SLC25A37: variants seen among roughly 807,000 people sequenced by gnomAD.
The protein encoded by SLC25A37 is solute carrier family 25 member 37, also known as mitoferrin-1.
Under a neutral mutation model 31.0 loss-of-function variants are expected in SLC25A37, and 17 were observed. The observed-to-expected ratio is 0.55, with a 90% confidence interval of 0.38 to 0.82. The LOEUF (loss-of-function observed/expected upper bound fraction) is 0.82. SLC25A37 is among the 40% of genes least tolerant of loss of function. The pLI, the probability that SLC25A37 is intolerant of heterozygous loss-of-function variation, is 0.00. For missense variants in SLC25A37, 404 were observed against 465.8 expected (o/e 0.87, Z 1.22); for synonymous variants, 222 against 193.0 (o/e 1.15, Z -1.24).
At chr8:23,543,939 C>T (rs1044003949) in intron 1 of SLC25A37, among the ~76,000 whole-genome samples, 2 of 152,072 alleles carry the variant, frequency 1.3e-5, no homozygotes, top group Non-Finnish European at 2.9e-5. Flanking sequence ...CGGCTCACCG[C>T]AACCTCTGCC....
At chr8:23,559,364 C>CGTGTGT (rs1554499347) in intron 1 of SLC25A37, among the ~76,000 whole-genome samples, 1 of 151,560 alleles carries the variant, frequency 6.6e-6, no homozygotes, top group East Asian at 1.9e-4. Flanking sequence ...CGTGTGTGTG[C>CGTGTGT]GCGCGCGCGT....
At chr8:23,562,063 A>T (rs572422703) in intron 1 of SLC25A37, among the ~76,000 whole-genome samples, 27 of 152,302 alleles carry the variant, frequency 1.8e-4, no homozygotes, top group Admixed American at 4.6e-4. Flanking sequence ...GAACTTAAGG[A>T]AGGCCTTTGA....
intron 1 of SLC25A37, among the ~76,000 whole-genome samples, chr8:23,539,261 G>T (rs536263943): frequency 2.0e-5 from 3 of 151,964 alleles, no homozygotes; most frequent in Non-Finnish European, 4.4e-5. Context: ...TTGAGGGACT[G>T]CAGCCTTGTG....
chr8:23,560,737 C>T (rs1802494767), intron 1 of SLC25A37, among the ~76,000 whole-genome samples: 1 of 152,174 alleles, frequency 6.6e-6, no homozygotes, highest in Non-Finnish European at 1.5e-5. Flanking sequence ...ACAGAGAAGT[C>T]CACTGAGGTG....
chr8:23,551,412 G>C (rs1487870293), intron 1 of SLC25A37, among the ~76,000 whole-genome samples: 1 of 152,092 alleles, frequency 6.6e-6, no homozygotes, highest in Non-Finnish European at 1.5e-5. Flanking sequence ...GGCAGCTGAA[G>C]GGAAGGGCTG....
intron 2 of SLC25A37, chr8:23,566,576 G>C: frequency 7.8e-7 from 1 of 1,278,212 alleles, no homozygotes; most frequent in African/African-American, 1.6e-5. Context: ...ATCAGTGACA[G>C]AGGTGTTTTG....
At chr8:23,544,071 G>T (rs1467533962) in intron 1 of SLC25A37, among the ~76,000 whole-genome samples, 1 of 151,996 alleles carries the variant, frequency 6.6e-6, no homozygotes, top group African/African-American at 2.4e-5. Flanking sequence ...TGTTGGCCAG[G>T]CTGGTCTCGA....
chr8:23,568,233 A>G (rs758834452), intron 2 of SLC25A37, 89 bp from the exon 3 acceptor site: 1 of 1,434,864 alleles, frequency 7.0e-7, no homozygotes, highest in East Asian at 2.3e-5. Context: ...TTAGAAAGCT[A>G]AGTCCTGGGT....
chr8:23,529,337 T>C lies in SLC25A37; in HGVS notation c.210+125T>C. 2 of 903,274 alleles carry C rather than the reference T, an allele frequency of 2.2e-6. No homozygotes were observed. The highest frequency in any genetic ancestry group is 3.1e-6 in the Non-Finnish European group (2 of 648,786). The allele number at this position is 903,274 out of a possible 1,614,324, so 56.0% of individuals were successfully genotyped here. Reference sequence around the variant, plus strand: ...ACCGAGCTCTCCCCAGGACCGCGGCTGGCCGGGGTCGCCCCAGGAGCAGCT... The same window carrying C: ...ACCGAGCTCTCCCCAGGACCGCGGCCGGCCGGGGTCGCCCCAGGAGCAGCT... On this transcript the variant is annotated intron_variant, in intron 1 of 3. Coordinates refer to ENST00000519973, the MANE Select transcript of SLC25A37 (RefSeq NM_016612.4). This position sits in a 1 kb window ranked among gnomAD's most constrained non-coding sequence, Gnocchi z 4.1.
At chr8:23,559,097 G>C (rs953797762) in intron 1 of SLC25A37, among the ~76,000 whole-genome samples, 4 of 152,240 alleles carry the variant, frequency 2.6e-5, no homozygotes, top group Non-Finnish European at 4.4e-5. Context: ...GACAAGGCTT[G>C]CATTGCTAAA....
chr8:23,574,548 G>A lies in SLC25A37; in HGVS notation c.*2693G>A, dbSNP rs1373432423. The A allele has an allele frequency of 6.5e-6, 1 of 154,846 alleles. No homozygotes were observed. Among genetic ancestry groups the A allele is most frequent in the African/African-American group, 2.4e-5 (1 of 41,474 alleles). The allele number at this position is 154,846 out of a possible 1,614,324, so 9.6% of individuals were successfully genotyped here. A position where few individuals can be genotyped will look rare whatever the true frequency, so the allele number is the denominator to read the frequency against. ...TGTGTGATGAGGGATGAGTCAGCTT[G>A]GGGAGCCACTTGGCCAGCCTGCATG... On this transcript the variant is annotated 3_prime_UTR_variant, in exon 4 of 4. Coordinates refer to ENST00000519973, the MANE Select transcript of SLC25A37 (RefSeq NM_016612.4).
intron 1 of SLC25A37, chr8:23,531,691 T>C (rs940184827): frequency 2.6e-5 from 4 of 152,212 alleles, no homozygotes; most frequent in African/African-American, 9.7e-5. Flanking sequence ...CTAGGTAATG[T>C]GGACTGTGGA....
rs767207523 is a variant in SLC25A37, at chr8:23,561,719, A to T, written c.211-4389A>T. On this transcript the variant is annotated intron_variant, in intron 1 of 3. Coordinates refer to ENST00000519973, the MANE Select transcript of SLC25A37 (RefSeq NM_016612.4). ...AGGGCTGGGGCTGGAAGGGGTCTAG[A>T]TGGTCACTTAGTGGTTCCCCAAGCT... Among the ~76,000 whole-genome samples, 21 of 152,280 alleles carry T rather than the reference A, an allele frequency of 1.4e-4. No individual in the cohort carries two copies. In the Middle Eastern group the frequency reaches 0.01, roughly 74 times the overall value.
intron 1 of SLC25A37, among the ~76,000 whole-genome samples, chr8:23,556,578 A>T (rs1802372105): frequency 6.6e-6 from 1 of 151,816 alleles, no homozygotes; most frequent in Non-Finnish European, 1.5e-5. Context: ...ATGTATATAC[A>T]TATGTATATA....
intron 1 of SLC25A37, among the ~76,000 whole-genome samples, chr8:23,540,325 A>G (rs761635638): frequency 2.0e-5 from 3 of 152,218 alleles, no homozygotes; most frequent in Non-Finnish European, 4.4e-5. Context: ...TGTTAATGGC[A>G]GCAGAGCCCT....
At chr8:23,553,721 C>A (rs1192319950) in intron 1 of SLC25A37, among the ~76,000 whole-genome samples, 1 of 152,222 alleles carries the variant, frequency 6.6e-6, no homozygotes, top group Middle Eastern at 3.2e-3. Flanking sequence ...CTTTAGGAGA[C>A]AGAATGGGTT....
At chr8:23,563,358 T>G (rs1021585049) in intron 1 of SLC25A37, among the ~76,000 whole-genome samples, 3 of 152,124 alleles carry the variant, frequency 2.0e-5, no homozygotes, top group Non-Finnish European at 4.4e-5. Context: ...GGCTAATTTC[T>G]TATTTTTTTG....
At chr8:23,560,350 C>T (rs1802483075) in intron 1 of SLC25A37, among the ~76,000 whole-genome samples, 1 of 152,240 alleles carries the variant, frequency 6.6e-6, no homozygotes, top group Admixed American at 6.5e-5. Flanking sequence ...GCCTTCCTAG[C>T]CGCCTGCCTT....
At chr8:23,540,607 G>A (rs757669195) in intron 1 of SLC25A37, among the ~76,000 whole-genome samples, 3 of 152,230 alleles carry the variant, frequency 2.0e-5, no homozygotes, top group Non-Finnish European at 4.4e-5. Flanking sequence ...ACAAATTGCA[G>A]TTGCTGTGAC....
Sources: gnomAD v4.1 joint callset for allele counts (sites outside exome capture counted in the v4.1 genomes callset) on GRCh38, gnomAD v4.1.1 for gene constraint, Gnocchi (gnomAD v3.1) non-coding constraint, MANE v1.5 for transcripts, NCBI Gene and HGNC (gene_info 2026-07-23, HGNC 2026-07-21) for gene names.